ANO1: variants seen among roughly 807,000 people sequenced by gnomAD.
The protein encoded by ANO1 is anoctamin 1.
In ANO1, 59 loss-of-function variants were observed where a neutral mutation model predicts 124.0. The observed-to-expected ratio is 0.48, with a 90% CI of 0.39 to 0.59. The LOEUF (loss-of-function observed/expected upper bound fraction) is 0.59. Ranked by LOEUF, ANO1 falls within the 20% of genes least tolerant of loss-of-function variation. The pLI, the probability that ANO1 is intolerant of heterozygous loss-of-function variation, is 0.00. For missense variants in ANO1, 1,059 were observed against 1,328.0 expected, an observed-to-expected ratio of 0.80 and a Z score of 3.15; for synonymous variants, 529 against 532.0, an observed-to-expected ratio of 0.99 and a Z score of 0.08.
chr11:70,135,524 G>A (rs2046923448), intron 11 of ANO1, among the ~76,000 whole-genome samples: 2 of 152,200 alleles, frequency 1.3e-5, no homozygotes, highest in Admixed American at 6.5e-5. Context: ...TTAGGATCTG[G>A]GAGGGCACAG....
intron 14 of ANO1, among the ~76,000 whole-genome samples, chr11:70,154,667 C>T (rs2047736860): frequency 6.6e-6 from 1 of 151,656 alleles, no homozygotes; most frequent in Non-Finnish European, 1.5e-5. Context: ...GGGGTTTCAC[C>T]GTGTTAGCCA....
chr11:70,092,593 G>T lies in ANO1; in HGVS notation c.441+4509G>T, dbSNP rs112410653. 2.2e-3 allele frequency among the ~76,000 whole-genome samples: 329 copies of T among 152,300 alleles called. 1 individual carries two copies. The highest frequency in any genetic ancestry group is 7.5e-3 in the African/African-American group (313 of 41,566). On this transcript the variant is annotated intron_variant, in intron 2 of 25. Coordinates refer to ENST00000355303, the MANE Select transcript of ANO1 (RefSeq NM_018043.7). The stretch of plus-strand genomic sequence containing the variant: ...CAGGCTCTGGCTCAGCTGGTCTGGG[G>T]GACCCAGCACCTGGGGTGGCTGAGG...
intron 12 of ANO1, 27 bp downstream of exon 12, chr11:70,149,819 C>CA: frequency 1.2e-6 from 2 of 1,609,442 alleles, no homozygotes; most frequent in Non-Finnish European, 1.7e-6. Context: ...CCGTGCATAT[C>CA]ACGCCCTTCC....
intron 2 of ANO1, among the ~76,000 whole-genome samples, chr11:70,099,984 G>C (rs558803718): frequency 6.6e-6 from 1 of 152,108 alleles, no homozygotes; most frequent in Non-Finnish European, 1.5e-5. Flanking sequence ...TCCAGTTCAC[G>C]CTGAGATCAT....
intron 23 of ANO1, 32 bp from the exon 24 acceptor site, chr11:70,182,470 G>T (rs776565033): frequency 1.4e-6 from 2 of 1,470,936 alleles, no homozygotes; most frequent in East Asian, 5.1e-5. Flanking sequence ...CCCAGGCTGG[G>T]GGTCCCCCTC....
At position 70,168,334 on chromosome 11, in the gene ANO1, C is replaced by G. The variant is rs540014171; in HGVS notation, c.2197+947C>G. Among the ~76,000 whole-genome samples the G allele has an allele frequency of 3.2e-4, 49 of 152,300 alleles. No individual in the cohort carries two copies. The South Asian group carries it at 9.1e-3, about 28-fold the overall frequency. ...TCACTCTCTCCCTGCCTCCCAGGCT[C>G]TACTCAGAATGTCCCCCAACAGAGG... On this transcript the variant is annotated intron_variant, in intron 21 of 25. Transcript: ENST00000355303.
At position 70,010,159 on chromosome 11, in the gene ANO1, G is replaced by GTATATATATA. The variant is rs1565159656; in HGVS notation, c.58+23994_58+23995insATATATATAT. ...GGTGTGTGTGTGTGTGTGTGTGTGT[G>GTATATATATA]TGTGTGCGCGTGTGTGTGTGTATAT... On this transcript the variant is annotated intron_variant, in intron 1 of 27. Transcript: ENST00000531349. 1.8e-3 allele frequency among the ~76,000 whole-genome samples: 97 copies of GTATATATATA among 52,506 alleles called. 8 individuals carry two copies. In the East Asian group the frequency reaches 0.072, roughly 39 times the overall value. The allele number at this position is 52,506 out of a possible 152,430, so 34.4% of individuals were successfully genotyped here. A position where few individuals can be genotyped will look rare whatever the true frequency, so the allele number is the denominator to read the frequency against.
chr11:70,069,341 C>A (rs1248767709), intron 1 of ANO1, among the ~76,000 whole-genome samples: 1 of 152,180 alleles, frequency 6.6e-6, no homozygotes, highest in Non-Finnish European at 1.5e-5. Context: ...TGGAAGGAAA[C>A]AGGAACAGAG....
upstream of ANO1, among the ~76,000 whole-genome samples, chr11:70,073,595 A>G (rs1275767849): frequency 6.6e-6 from 1 of 152,090 alleles, no homozygotes; most frequent in African/African-American, 2.4e-5. Context: ...GCAGAAGGGA[A>G]CGTGAGTGGC....
At chr11:70,089,109 C>T (rs1271755066) in intron 2 of ANO1, among the ~76,000 whole-genome samples, 3 of 152,176 alleles carry the variant, frequency 2.0e-5, no homozygotes, top group African/African-American at 4.8e-5. Flanking sequence ...TCTCTGTGCA[C>T]GGGAACCCTT....
chr11:70,080,635 A>G (rs78615009), intron 1 of ANO1, among the ~76,000 whole-genome samples: 2,706 of 152,310 alleles, frequency 0.018, 72 homozygotes, highest in African/African-American at 0.06. Context: ...AGACCCAGAA[A>G]CTATCTGCCT....
intron 7 of ANO1, among the ~76,000 whole-genome samples, chr11:70,114,678 C>A (rs939832109): frequency 6.6e-6 from 1 of 152,186 alleles, no homozygotes; most frequent in Admixed American, 6.5e-5. Flanking sequence ...ACGGGTAGAT[C>A]ACCTGAGGTC....
rs1403870928 is a variant in ANO1 at position 70,111,581 on chromosome 11, T to C, written c.800-126T>C. On this transcript the variant is annotated intron_variant, in intron 6 of 25. Transcript: ENST00000355303. The stretch of plus-strand genomic sequence containing the variant: ...ACCCCAGAGGTGGCCGGGCTCTGCG[T>C]AGTCAGGTTCGTTTCATTTTGAGAA... 12 of 865,634 alleles carry C rather than the reference T, an allele frequency of 1.4e-5. No individual in the cohort carries two copies. In the East Asian group the frequency reaches 2.9e-4, roughly 21 times the overall value. The allele number at this position is 865,634 out of a possible 1,614,324, so 53.6% of individuals were successfully genotyped here.
At chr11:70,010,189 A>ATGTG in intron 1 of ANO1, among the ~76,000 whole-genome samples, 1 of 83,546 alleles carries the variant, frequency 1.2e-5, no homozygotes, top group African/African-American at 3.6e-5. Flanking sequence ...GTATATATAT[A>ATGTG]TATATATATC....
intron 2 of ANO1, among the ~76,000 whole-genome samples, chr11:70,088,831 G>C (rs1001187568): frequency 8.5e-5 from 13 of 152,230 alleles, no homozygotes; most frequent in Non-Finnish European, 1.5e-4. Flanking sequence ...TGTGGGTCCA[G>C]CTGAGCCCTG....
intron 23 of ANO1, among the ~76,000 whole-genome samples, chr11:70,180,307 C>T (rs1053512853): frequency 1.3e-5 from 2 of 151,920 alleles, no homozygotes; most frequent in African/African-American, 2.4e-5. Context: ...GAGTTTCACT[C>T]TGTGGTCCAG....
intron 6 of ANO1, 80 bp from the exon 7 acceptor site, chr11:70,111,627 C>A: frequency 7.2e-7 from 1 of 1,380,478 alleles, no homozygotes; most frequent in Non-Finnish European, 1.0e-6. Context: ...GCTGAGATGG[C>A]CCTGTGACCG....
rs778999525 is a variant in ANO1 at position 70,149,749 on chromosome 11, G to A, written c.1298G>A (p.Arg433Gln). 5.6e-6 allele frequency: 9 copies of A among 1,613,750 alleles called. No homozygotes were observed. Among genetic ancestry groups the A allele is most frequent in the Non-Finnish European group, 6.8e-6 (8 of 1,179,836 alleles). The change falls in exon 12 of 26, where the codon CGA becomes CAA. Residue 433 changes from arginine (R) to glutamine (Q), a missense_variant. Arg to Gln is a conservative substitution (Grantham distance 43, BLOSUM62 1). This residue lies in a region of ANO1 where 809 missense variants were observed against 1,094.9 expected (regional missense o/e 0.74). Transcript: ENST00000355303. ...GAGCACTGGAAGCGGAAACAGATGCGACTCAACTACCGCTGGGACCTCACG... is the reference window on the plus strand; with the variant it reads ...GAGCACTGGAAGCGGAAACAGATGCAACTCAACTACCGCTGGGACCTCACG... ...FMEHWKRKQM[R>Q]LNYRWDLTGF...
At chr11:70,164,665 C>T (rs770927492) in intron 19 of ANO1, among the ~76,000 whole-genome samples, 1 of 152,168 alleles carries the variant, frequency 6.6e-6, no homozygotes, top group Non-Finnish European at 1.5e-5. Flanking sequence ...AAACTTCCAG[C>T]CCACATAGGT....
Sources: gnomAD v4.1 joint callset for allele counts (sites outside exome capture counted in the v4.1 genomes callset) on GRCh38, gnomAD v4.1.1 for gene constraint, gnomAD v4.1.1 regional missense constraint, MANE v1.5 for transcripts, NCBI Gene and HGNC (gene_info 2026-07-23, HGNC 2026-07-21) for gene names.